The following KATNIP variants were observed in gnomAD, a reference collection of about 807,000 sequenced individuals.
KATNIP encodes the protein katanin interacting protein.
A neutral mutation model predicts 174.0 loss-of-function variants in KATNIP; 126 were observed. The ratio of observed to expected loss-of-function variants is 0.72; its 90% confidence interval spans 0.63 to 0.84. The LOEUF is 0.84. Ranked by LOEUF, KATNIP falls within the 40% of genes least tolerant of loss-of-function variation. The pLI is 0.00. For missense variants in KATNIP, 1,958 were observed against 2,109.7 expected, an observed-to-expected ratio of 0.93 and a Z score of 1.41; for synonymous variants, 810 against 835.7, an observed-to-expected ratio of 0.97 and a Z score of 0.53.
chr16:27,657,058 CTATAT>C (rs1567263079), intron 6 of KATNIP, among the ~76,000 whole-genome samples: 1 of 151,858 alleles, frequency 6.6e-6, no homozygotes, highest in African/African-American at 2.4e-5. Flanking sequence ...TTGAGATGAA[CTATAT>C]TATATTAGAT....
chr16:27,562,943 C>T lies in KATNIP; in HGVS notation c.8-10958C>T, dbSNP rs150662583. 6.8e-4 allele frequency among the ~76,000 whole-genome samples: 103 copies of T among 152,342 alleles called. 2 individuals carry two copies. In the East Asian group the frequency reaches 0.013, roughly 19 times the overall value. On this transcript the variant is annotated intron_variant, in intron 1 of 27. Coordinates refer to ENST00000261588, the MANE Select transcript of KATNIP (RefSeq NM_015202.5). ...CACATTGCAAGAGCAGATGACATCT[C>T]TACTGCAGAACACGGTCATGCCTTC...
At chr16:27,676,874 G>A (rs2078136584) in intron 6 of KATNIP, among the ~76,000 whole-genome samples, 1 of 152,142 alleles carries the variant, frequency 6.6e-6, no homozygotes, top group African/African-American at 2.4e-5. Flanking sequence ...GTCTCACTGT[G>A]TTGCCCAGGC....
At position 27,607,108 on chromosome 16, in the gene KATNIP, G is replaced by A. The variant is rs149278870; in HGVS notation, c.64-11317G>A. On this transcript the variant is annotated intron_variant, in intron 2 of 27. Coordinates refer to ENST00000261588, the MANE Select transcript of KATNIP (RefSeq NM_015202.5). ...TGAACCATCACATGGCCGGGGAGAT[G>A]GAATGCACTGGCCGGGCCTGCAGTA... Among the ~76,000 whole-genome samples, 33 of 152,268 alleles carry A rather than the reference G, an allele frequency of 2.2e-4. 1 individual carries two copies. The highest frequency in any genetic ancestry group is 6.5e-4 in the Admixed American group (10 of 15,294).
At chr16:27,618,763 A>G (rs931655457) in intron 3 of KATNIP, among the ~76,000 whole-genome samples, 3 of 152,152 alleles carry the variant, frequency 2.0e-5, no homozygotes, top group South Asian at 4.1e-4. Context: ...GGGAGAAGAT[A>G]AGGTTGTCAA....
intron 8 of KATNIP, among the ~76,000 whole-genome samples, chr16:27,692,336 TGA>T (rs2078763413): frequency 1.3e-5 from 2 of 152,172 alleles, no homozygotes; most frequent in East Asian, 1.9e-4. Context: ...TGTGGTTGGG[TGA>T]TATTCACAAA....
intron 13 of KATNIP, among the ~76,000 whole-genome samples, chr16:27,716,856 T>G (rs2079965280): frequency 6.6e-6 from 1 of 151,940 alleles, no homozygotes; most frequent in Admixed American, 6.6e-5. Flanking sequence ...GTAGCATTTT[T>G]TTTTTTGAGA....
At chr16:27,666,786 G>A (rs758041546) in intron 6 of KATNIP, among the ~76,000 whole-genome samples, 1 of 152,172 alleles carries the variant, frequency 6.6e-6, no homozygotes, top group South Asian at 2.1e-4. Flanking sequence ...CAGTACTTTG[G>A]GATGCCGAGG....
intron 6 of KATNIP, 68 bp from the exon 7 acceptor site, chr16:27,677,661 C>G (rs2142758258): frequency 7.0e-7 from 1 of 1,434,444 alleles, no homozygotes; most frequent in Non-Finnish European, 9.5e-7. Context: ...TTCAAATGAT[C>G]TATTTTCAAA....
At chr16:27,660,274 G>A (rs1357485224) in intron 6 of KATNIP, among the ~76,000 whole-genome samples, 3 of 152,104 alleles carry the variant, frequency 2.0e-5, no homozygotes, top group Non-Finnish European at 2.9e-5. Flanking sequence ...TGGATTGGCC[G>A]GCAGTGGCTC....
intron 2 of KATNIP, among the ~76,000 whole-genome samples, chr16:27,588,669 T>C (rs2090994950): frequency 6.6e-6 from 1 of 152,100 alleles, no homozygotes; most frequent in Non-Finnish European, 1.5e-5. Context: ...TTTATCATCA[T>C]AGTGTAAGAC....
Position 27,749,837 on chromosome 16 carries a change from G to C in KATNIP, c.2877G>C (p.Glu959Asp). ...LSRGQDGYSGETDAGGDFKIP... is the reference protein window; with the variant it reads ...LSRGQDGYSGDTDAGGDFKIP... Reference sequence around the variant, plus strand: ...GAGGGCAGGATGGCTACTCTGGAGAGACAGACGCTGGGGGTGACTTTAAAA... The same window carrying C: ...GAGGGCAGGATGGCTACTCTGGAGACACAGACGCTGGGGGTGACTTTAAAA... The change falls in exon 16 of 28, where the codon GAG (glutamate) becomes GAC (aspartate). Residue 959 changes from glutamate (E) to aspartate (D), a missense_variant. Coordinates refer to ENST00000261588, the MANE Select transcript of KATNIP (RefSeq NM_015202.5). 1.2e-6 allele frequency: 2 copies of C among 1,614,078 alleles called. No homozygotes were observed. The highest frequency in any genetic ancestry group is 1.7e-6 in the Non-Finnish European group (2 of 1,179,992).
chr16:27,744,934 T>C (rs759039954), intron 15 of KATNIP, among the ~76,000 whole-genome samples: 13 of 151,754 alleles, frequency 8.6e-5, no homozygotes, highest in Non-Finnish European at 1.8e-4. Context: ...AATCATAAAA[T>C]AAATAATAAA....
At chr16:27,679,344 G>A (rs74531850) in intron 7 of KATNIP, among the ~76,000 whole-genome samples, 1,831 of 152,168 alleles carry the variant, frequency 0.012, 49 homozygotes, top group African/African-American at 0.042. Flanking sequence ...CTCTTCTTAG[G>A]AGAAGTTATA....
intron 7 of KATNIP, among the ~76,000 whole-genome samples, chr16:27,678,261 C>T (rs2078195645): frequency 6.6e-6 from 1 of 152,224 alleles, no homozygotes; most frequent in Non-Finnish European, 1.5e-5. Context: ...GCAGCATCTA[C>T]ATACCAGTTG....
At chr16:27,773,237 C>T in intron 23 of KATNIP, 28 bp downstream of exon 23, 1 of 1,475,488 alleles carries the variant, frequency 6.8e-7, no homozygotes, top group Non-Finnish European at 9.4e-7. Flanking sequence ...GGAGTGGGCT[C>T]CACCCAGACT....
At chr16:27,733,070 G>A (rs2080755315) in intron 14 of KATNIP, among the ~76,000 whole-genome samples, 1 of 152,216 alleles carries the variant, frequency 6.6e-6, no homozygotes, top group Admixed American at 6.5e-5. Flanking sequence ...CCTAGCCAGT[G>A]CTTCATTCCA....
intron 12 of KATNIP, among the ~76,000 whole-genome samples, chr16:27,706,763 C>T (rs2079325682): frequency 1.3e-5 from 2 of 152,220 alleles, no homozygotes; most frequent in Admixed American, 6.5e-5. Flanking sequence ...GGTCCTCCTG[C>T]CTCCCACCAA....
chr16:27,603,956 C>T (rs1384434427), intron 2 of KATNIP, among the ~76,000 whole-genome samples: 4 of 151,952 alleles, frequency 2.6e-5, no homozygotes, highest in African/African-American at 7.3e-5. Flanking sequence ...AGGCTGATCT[C>T]GAACTCCTGA....
At chr16:27,744,754 G>A (rs530724542) in intron 15 of KATNIP, among the ~76,000 whole-genome samples, 3 of 151,742 alleles carry the variant, frequency 2.0e-5, no homozygotes, top group South Asian at 2.1e-4. Flanking sequence ...ATGTTTGTGC[G>A]CACCTGTAAT....
Sources: gnomAD v4.1 joint callset for allele counts (sites outside exome capture counted in the v4.1 genomes callset) on GRCh38, gnomAD v4.1.1 for gene constraint, MANE v1.5 for transcripts, NCBI Gene and HGNC (gene_info 2026-07-23, HGNC 2026-07-21) for gene names.